SIPA1L3: variants seen among roughly 807,000 people sequenced by gnomAD.
The protein encoded by SIPA1L3 is signal induced proliferation associated 1 like 3.
Under a neutral mutation model 150.1 loss-of-function variants are expected in SIPA1L3, and 59 were observed. The observed-to-expected ratio is 0.39, with a 90% CI of 0.32 to 0.49. The LOEUF (loss-of-function observed/expected upper bound fraction) is 0.49. Ranked by LOEUF, SIPA1L3 falls within the 20% of genes least tolerant of loss-of-function variation. SIPA1L3 has a pLI of 0.86. For missense variants in SIPA1L3, 2,211 were observed against 2,489.5 expected (o/e 0.89, Z 2.38); for synonymous variants, 1,070 against 1,077.6 (o/e 0.99, Z 0.14).
At chr19:38,111,821 CTTTTTGGGGT>C (rs2145879174) in intron 8 of SIPA1L3, among the ~76,000 whole-genome samples, 1 of 152,338 alleles carries the variant, frequency 6.6e-6, no homozygotes, top group East Asian at 1.9e-4. Flanking sequence ...ACCTCAGGCC[CTTTTTGGGGT>C]TGAGGACCCT....
At chr19:38,149,707 A>C (rs960173010) in intron 12 of SIPA1L3, among the ~76,000 whole-genome samples, 13 of 152,036 alleles carry the variant, frequency 8.6e-5, no homozygotes, top group Non-Finnish European at 2.9e-5. Flanking sequence ...TCCACAGCAC[A>C]CTCATGAGGA....
At chr19:38,121,378 C>CA (rs1568560910) in intron 9 of SIPA1L3, among the ~76,000 whole-genome samples, 1 of 151,496 alleles carries the variant, frequency 6.6e-6, no homozygotes, top group Non-Finnish European at 1.5e-5. Context: ...GCGAGGCTTG[C>CA]AGTGAGCTGA....
chr19:37,960,268 T>G (rs2046845222), intron 1 of SIPA1L3, among the ~76,000 whole-genome samples: 1 of 152,228 alleles, frequency 6.6e-6, no homozygotes, highest in Non-Finnish European at 1.5e-5. Context: ...TTGATTGATT[T>G]TGGTGCAGGG....
chr19:38,099,796 G>C (rs1970460200), intron 4 of SIPA1L3, among the ~76,000 whole-genome samples, 166 bp from the exon 5 acceptor site: 1 of 152,216 alleles, frequency 6.6e-6, no homozygotes, highest in Non-Finnish European at 1.5e-5. Flanking sequence ...GCACAGCCAG[G>C]AGGCAGCAGG....
At chr19:37,975,964 G>C (rs999539480) in intron 1 of SIPA1L3, among the ~76,000 whole-genome samples, 1 of 152,160 alleles carries the variant, frequency 6.6e-6, no homozygotes, top group Admixed American at 6.5e-5. Context: ...AATTAGTCAT[G>C]CGTGGTGGCG....
At chr19:38,041,370 C>T (rs1968917753) in intron 2 of SIPA1L3, among the ~76,000 whole-genome samples, 1 of 150,906 alleles carries the variant, frequency 6.6e-6, no homozygotes, top group Non-Finnish European at 1.5e-5. Context: ...CCTCCGCCTC[C>T]CGGGTTCAAG....
Position 38,133,022 on chromosome 19 carries a change from G to A in SIPA1L3, c.3143+2250G>A, listed in dbSNP as rs1971349281. Among the ~76,000 whole-genome samples, 5 of 152,274 alleles carry A rather than the reference G, an allele frequency of 3.3e-5. No individual in the cohort carries two copies. The South Asian group carries it at 6.2e-4, about 19-fold the overall frequency. On this transcript the variant is annotated intron_variant, in intron 10 of 21. Coordinates refer to ENST00000222345, the MANE Select transcript of SIPA1L3 (RefSeq NM_015073.3). ...GCTTCCCCCTTCCTGGCTTTAGCTG[G>A]CGGCCTCCCCATGGTGTCCTTTAGC...
At chr19:37,942,478 C>T (rs899728162) in intron 1 of SIPA1L3, among the ~76,000 whole-genome samples, 1 of 135,522 alleles carries the variant, frequency 7.4e-6, no homozygotes, top group Non-Finnish European at 1.6e-5. Flanking sequence ...GGTGCAAAGG[C>T]GCTGAGGCTG....
At chr19:37,937,147 G>A (rs1472843828) in intron 1 of SIPA1L3, among the ~76,000 whole-genome samples, 14 of 152,132 alleles carry the variant, frequency 9.2e-5, no homozygotes, top group African/African-American at 3.4e-4. Flanking sequence ...ACAGGCGTGA[G>A]CCACCATACC....
At chr19:37,941,490 T>C (rs933553305) in intron 1 of SIPA1L3, among the ~76,000 whole-genome samples, 1 of 151,278 alleles carries the variant, frequency 6.6e-6, no homozygotes, top group Non-Finnish European at 1.5e-5. Context: ...ATTCAAATCT[T>C]CCTTGTTTTT....
intron 12 of SIPA1L3, among the ~76,000 whole-genome samples, chr19:38,151,715 C>T (rs551434624): frequency 2.6e-5 from 4 of 152,162 alleles, no homozygotes; most frequent in East Asian, 3.9e-4. Flanking sequence ...GTAGTCCCAG[C>T]GCTTTGGGAA....
intron 2 of SIPA1L3, among the ~76,000 whole-genome samples, chr19:38,064,197 G>T (rs760930756): frequency 1.3e-5 from 2 of 152,226 alleles, no homozygotes; most frequent in East Asian, 3.9e-4. Flanking sequence ...TTCAGGGGAG[G>T]TCACGACAGC....
At chr19:38,054,697 GAGCTCCACAGCTTC>G (rs1399426356) in intron 2 of SIPA1L3, among the ~76,000 whole-genome samples, 2 of 152,220 alleles carry the variant, frequency 1.3e-5, no homozygotes, top group African/African-American at 4.8e-5. Context: ...TTTGGAAGAG[GAGCTCCACAGCTTC>G]AGTGATGGTG....
At chr19:37,925,667 C>A (rs921325668) in intron 1 of SIPA1L3, among the ~76,000 whole-genome samples, 4 of 143,894 alleles carry the variant, frequency 2.8e-5, no homozygotes, top group African/African-American at 1.0e-4. Context: ...AATCTTGGCT[C>A]GCTGCAAGCT....
chr19:38,202,003 G>A lies in SIPA1L3; in HGVS notation c.5120+6G>A. The A allele has an allele frequency of 1.2e-6, 2 of 1,603,490 alleles. No individual in the cohort carries two copies. The highest frequency in any genetic ancestry group is 1.7e-6 in the Non-Finnish European group (2 of 1,175,868). On this transcript the variant is annotated splice_donor_region_variant and intron_variant, in intron 20 of 21. Transcript: ENST00000222345. ...AGGACCACCCCTACCATGAGGTGAG[G>A]TTTCCCTGGGAACACCCGGGTTCAT... is the stretch of plus-strand genomic sequence containing the variant.
At chr19:37,926,879 G>A (rs1259964891) in intron 1 of SIPA1L3, among the ~76,000 whole-genome samples, 1 of 152,098 alleles carries the variant, frequency 6.6e-6, no homozygotes, top group African/African-American at 2.4e-5. Context: ...ACTGTGCCGG[G>A]CCCTTCACAT....
At chr19:37,962,650 G>A (rs2046869836) in intron 1 of SIPA1L3, among the ~76,000 whole-genome samples, 1 of 151,528 alleles carries the variant, frequency 6.6e-6, no homozygotes, top group South Asian at 2.1e-4. Context: ...GTTTGGCGAG[G>A]GTGTGCACAC....
chr19:38,001,154 T>C (rs915628823), intron 1 of SIPA1L3, among the ~76,000 whole-genome samples: 1 of 151,224 alleles, frequency 6.6e-6, no homozygotes, highest in Non-Finnish European at 1.5e-5. Context: ...TCTGGGGAGG[T>C]TGGGTGGAGT....
chr19:38,128,104 G>A (rs551172407), intron 9 of SIPA1L3, among the ~76,000 whole-genome samples: 11 of 143,216 alleles, frequency 7.7e-5, no homozygotes, highest in Non-Finnish European at 1.5e-4. Flanking sequence ...GCCCAGGCTG[G>A]AGTGCAGTAG....
Sources: allele counts gnomAD v4.1 joint callset (sites outside exome capture counted in the v4.1 genomes callset), GRCh38; gene constraint gnomAD v4.1.1; transcripts MANE v1.5; gene names NCBI Gene and HGNC (gene_info 2026-07-23, HGNC 2026-07-21).